Variants in TTLL6 observed in about 807,000 individuals in gnomAD.
TTLL6 encodes tubulin tyrosine ligase like 6, also known as tubulin polyglutamylase TTLL6.
A neutral mutation model predicts 96.4 loss-of-function variants in TTLL6; 75 were observed. The ratio of observed to expected loss-of-function variants is 0.78; its 90% CI spans 0.65 to 0.94. The LOEUF (loss-of-function observed/expected upper bound fraction) is 0.94, where lower values mean the gene tolerates loss of function less well. TTLL6 is among the 40% of genes least tolerant of loss of function. The pLI, the probability that TTLL6 is intolerant of heterozygous loss-of-function variation, is 0.00. For synonymous variants in TTLL6, 411 were observed against 419.4 expected, an observed-to-expected ratio of 0.98 and a Z score of 0.24; for missense variants, 1,030 against 1,093.0, an observed-to-expected ratio of 0.94 and a Z score of 0.81.
intron 1 of TTLL6, among the ~76,000 whole-genome samples, chr17:48,814,003 G>A (rs1212727684): frequency 1.3e-5 from 2 of 152,060 alleles, no homozygotes; most frequent in African/African-American, 2.4e-5. Context: ...AGACAAAGTG[G>A]ACTAAGTGCT....
At chr17:48,780,703 C>T (rs2055504993) in intron 13 of TTLL6, among the ~76,000 whole-genome samples, 1 of 151,988 alleles carries the variant, frequency 6.6e-6, no homozygotes, top group South Asian at 2.1e-4. Flanking sequence ...CTAAGAGGGG[C>T]TACTCTAGAT....
Position 48,801,548 on chromosome 17 carries a change from C to A in TTLL6, c.457G>T (p.Val153Leu). 2 of 1,552,012 alleles carry A rather than the reference C, an allele frequency of 1.3e-6. No homozygotes were observed. Among genetic ancestry groups the A allele is most frequent in the South Asian group, 1.2e-5 (1 of 84,054 alleles). Residue 153 changes from valine (V) to leucine (L), a missense_variant, in exon 4 of 16, where the codon GTG (valine) becomes TTG (leucine). Physicochemically the swap from Val to Leu is conservative, Grantham distance 32 (BLOSUM62 1). Coordinates refer to ENST00000393382, the MANE Select transcript of TTLL6 (RefSeq NM_001130918.3). ...WTDYSVSLER[V>L]MEMKSYQKIN... ...ACCTGGTAACTTTTCATTTCCATCA[C>A]CCGCTCCAGTGACACTGAGTAATCT...
intron 14 of TTLL6, 141 bp from the exon 15 acceptor site, chr17:48,769,395 C>G (rs1354720331): frequency 2.8e-6 from 3 of 1,070,644 alleles, no homozygotes; most frequent in African/African-American, 1.6e-5. Flanking sequence ...GCCATTGCTC[C>G]TTTTCTCCAA....
chr17:48,790,094 G>A lies in TTLL6; in HGVS notation c.1237C>T (p.Pro413Ser), dbSNP rs749879172. 1.2e-6 allele frequency: 2 copies of A among 1,613,630 alleles called. No individual in the cohort carries two copies. The highest frequency in any genetic ancestry group is 1.7e-6 in the Non-Finnish European group (2 of 1,179,790). ...KPWLLEVNHSPSFSTDSRLDK... is the reference protein window; with the variant it reads ...KPWLLEVNHSSSFSTDSRLDK... ...AACCGAGAGTCGGTGGAGAAGCTTG[G>A]AGAGTGGTTGACCTGTGAGGGCAAG... is the stretch of plus-strand genomic sequence containing the variant. Residue 413 changes from proline to serine, a missense_variant, in exon 10 of 16, where the codon CCA (proline) becomes TCA (serine). Transcript: ENST00000393382.
intron 1 of TTLL6, chr17:48,812,070 C>CT (rs1357289318): frequency 2.1e-5 from 2 of 94,834 alleles, no homozygotes; most frequent in Non-Finnish European, 4.4e-5. Flanking sequence ...TGGGACCCCC[C>CT]CCCCCACCCC....
chr17:48,803,753 A>G, intron 3 of TTLL6, 138 bp downstream of exon 3: 1 of 858,050 alleles, frequency 1.2e-6, no homozygotes, highest in Non-Finnish European at 1.8e-6. Context: ...TAAATAGTTC[A>G]TTGAGCTAGG....
chr17:48,774,466 A>G (rs1419876479), intron 13 of TTLL6, among the ~76,000 whole-genome samples: 1 of 151,876 alleles, frequency 6.6e-6, no homozygotes, highest in Non-Finnish European at 1.5e-5. Flanking sequence ...GCCCGGCCCA[A>G]AATCTAGTTT....
At chr17:48,783,571 A>G (rs2039031333) in intron 13 of TTLL6, among the ~76,000 whole-genome samples, 1 of 151,878 alleles carries the variant, frequency 6.6e-6, no homozygotes, top group Non-Finnish European at 1.5e-5. Flanking sequence ...AGCTGAAATT[A>G]CAGGCATGCA....
chr17:48,799,561 G>A (rs555106294), intron 6 of TTLL6, 43 bp downstream of exon 6: 20 of 1,535,868 alleles, frequency 1.3e-5, no homozygotes, highest in African/African-American at 1.4e-5. Context: ...TAAAGTCCGC[G>A]GTTGCTGTGG....
At chr17:48,771,493 A>G (rs998712375) in intron 13 of TTLL6, among the ~76,000 whole-genome samples, 1 of 152,100 alleles carries the variant, frequency 6.6e-6, no homozygotes, top group African/African-American at 2.4e-5. Context: ...TTAGCCAAGC[A>G]TGGTGGTGCA....
chr17:48,779,353 C>CAAAAAAAA (rs35763170), intron 13 of TTLL6, among the ~76,000 whole-genome samples: 10 of 46,244 alleles, frequency 2.2e-4, no homozygotes, highest in Non-Finnish European at 3.3e-4. Flanking sequence ...GACTCTGTCT[C>CAAAAAAAA]AAAAAAAAAA....
At chr17:48,788,962 C>A (rs2039164014) in intron 10 of TTLL6, among the ~76,000 whole-genome samples, 1 of 152,078 alleles carries the variant, frequency 6.6e-6, no homozygotes, top group African/African-American at 2.4e-5. Context: ...AACAAAGGAT[C>A]CCCTTGACTA....
intron 9 of TTLL6, 83 bp from the exon 10 acceptor site, chr17:48,790,189 A>G (rs2143363450): frequency 6.7e-7 from 1 of 1,495,484 alleles, no homozygotes; most frequent in South Asian, 1.3e-5. Context: ...CCTCCAGGGC[A>G]CTACCAAAGC....
intron 13 of TTLL6, among the ~76,000 whole-genome samples, chr17:48,770,566 G>C (rs1291481199): frequency 1.4e-5 from 2 of 147,062 alleles, no homozygotes; most frequent in Non-Finnish European, 3.0e-5. Flanking sequence ...ACCCTGGCTG[G>C]AGCGCAGTGG....
chr17:48,769,330 C>T, intron 14 of TTLL6, 76 bp from the exon 15 acceptor site: 1 of 1,497,716 alleles, frequency 6.7e-7, no homozygotes, highest in South Asian at 1.3e-5. Flanking sequence ...AGACCACCTC[C>T]CAGTAGGGTC....
intron 3 of TTLL6, 111 bp from the exon 4 acceptor site, chr17:48,801,754 C>T: frequency 1.3e-6 from 1 of 784,704 alleles, no homozygotes; most frequent in South Asian, 1.7e-5. Context: ...AAAATCTCGG[C>T]TCCTCGAGAC....
chr17:48,787,748 G>C, intron 11 of TTLL6, 63 bp downstream of exon 11: 1 of 1,505,046 alleles, frequency 6.6e-7, no homozygotes, highest in Non-Finnish European at 9.1e-7. Flanking sequence ...AGGCCAGTCA[G>C]CCAATAGATC....
chr17:48,775,062 A>T (rs991642848), intron 13 of TTLL6, among the ~76,000 whole-genome samples: 4 of 151,882 alleles, frequency 2.6e-5, no homozygotes, highest in African/African-American at 7.3e-5. Context: ...TGAACCTGGG[A>T]GACTGAGCAA....
intron 1 of TTLL6, among the ~76,000 whole-genome samples, chr17:48,809,502 T>C (rs1203189991): frequency 6.6e-6 from 1 of 152,182 alleles, no homozygotes; most frequent in Non-Finnish European, 1.5e-5. Flanking sequence ...CGGGTTCTCT[T>C]TGCTCATTTT....
Sources: allele counts gnomAD v4.1 joint callset (sites outside exome capture counted in the v4.1 genomes callset), GRCh38; gene constraint gnomAD v4.1.1; transcripts MANE v1.5; gene names NCBI Gene and HGNC (gene_info 2026-07-23, HGNC 2026-07-21).